DSCAML1: variants seen among roughly 807,000 people sequenced by gnomAD.
DSCAML1 encodes DS cell adhesion molecule like 1.
A neutral mutation model predicts 200.5 loss-of-function variants in DSCAML1; 38 were observed. The observed-to-expected ratio is 0.19, with a 90% CI of 0.15 to 0.25. The LOEUF (loss-of-function observed/expected upper bound fraction) is 0.25. DSCAML1 is among the 10% of genes least tolerant of loss of function. The probability of loss-of-function intolerance (pLI) is 1.00; values close to 1 mark genes in which losing one functional copy is unlikely to be tolerated. For synonymous variants in DSCAML1, 1,215 were observed against 1,165.0 expected (o/e 1.04, Z -0.87); for missense variants, 2,223 against 2,858.8 (o/e 0.78, Z 5.07).
At chr11:117,564,276 C>T (rs1314509336) in intron 3 of DSCAML1, among the ~76,000 whole-genome samples, 1 of 152,162 alleles carries the variant, frequency 6.6e-6, no homozygotes, top group Non-Finnish European at 1.5e-5. Context: ...GTATCTGGGC[C>T]AACTCATTGC....
chr11:117,635,447 G>GGTGT (rs201976004), intron 3 of DSCAML1, among the ~76,000 whole-genome samples: 275 of 146,736 alleles, frequency 1.9e-3, no homozygotes, highest in East Asian at 3.8e-3. Flanking sequence ...TAGTGTGTGT[G>GGTGT]GTGTGTGTGT....
intron 3 of DSCAML1, among the ~76,000 whole-genome samples, chr11:117,741,729 C>T (rs1334720702): frequency 6.6e-6 from 1 of 152,196 alleles, no homozygotes; most frequent in African/African-American, 2.4e-5. Context: ...AGCTTCCCTC[C>T]CCATGAAGCT....
chr11:117,501,633 G>C (rs1036539575), intron 11 of DSCAML1, among the ~76,000 whole-genome samples: 2 of 152,130 alleles, frequency 1.3e-5, no homozygotes, highest in Non-Finnish European at 2.9e-5. Flanking sequence ...TGACAGGAGG[G>C]GTGTGAGAAA....
Position 117,498,176 on chromosome 11 carries a change from G to A in DSCAML1, c.2359+5669C>T, listed in dbSNP as rs1028076936. Among the ~76,000 whole-genome samples, 8 of 152,208 alleles carry A rather than the reference G, an allele frequency of 5.3e-5. No homozygotes were observed. The highest frequency in any genetic ancestry group is 2.1e-4 in the South Asian group (1 of 4,824). On this transcript the variant is annotated intron_variant, in intron 11 of 32. Coordinates refer to ENST00000651296, the MANE Select transcript of DSCAML1 (RefSeq NM_020693.4). This position sits in a 1 kb window ranked among gnomAD's most constrained non-coding sequence, Gnocchi z 4.0. The stretch of plus-strand genomic sequence containing the variant: ...CTGTGACGAGATAGGACCCACCACC[G>A]GGGAACACACAGGAATATCTTGGGC...
In DSCAML1 at chr11:117,503,897, G is replaced by A; in HGVS notation, c.2307C>T (p.Ala769=). The A allele has an allele frequency of 6.2e-7, 1 of 1,614,196 alleles. No individual in the cohort carries two copies. Among genetic ancestry groups the A allele is most frequent in the Non-Finnish European group, 8.5e-7 (1 of 1,180,040 alleles). ...EEDIGYYLCQ[A]SNGVGTDISK... is the part of the protein sequence containing the mutation. ...TGATGTCGGTGCCTACGCCGTTGCT[G>A]GCCTGGCAGAGGTAGTAGCCGATGT... is the stretch of plus-strand genomic sequence containing the variant. Residue 769 remains alanine, a synonymous_variant, in exon 11 of 33, where the codon GCC becomes GCT. Transcript: ENST00000651296. This position sits in a 1 kb window ranked among gnomAD's most constrained non-coding sequence, Gnocchi z 5.2.
At chr11:117,705,842 G>C (rs1198366273) in intron 3 of DSCAML1, among the ~76,000 whole-genome samples, 1 of 152,202 alleles carries the variant, frequency 6.6e-6, no homozygotes, top group Non-Finnish European at 1.5e-5. Context: ...CCTTGGGCTG[G>C]TACTTAATCT....
intron 3 of DSCAML1, among the ~76,000 whole-genome samples, chr11:117,569,243 G>C (rs542946464): frequency 2.6e-5 from 4 of 152,116 alleles, no homozygotes; most frequent in African/African-American, 9.7e-5. Context: ...AGACTTAAAC[G>C]TTAGACCTAA....
chr11:117,594,069 T>C (rs2051316086), intron 3 of DSCAML1, among the ~76,000 whole-genome samples: 1 of 152,112 alleles, frequency 6.6e-6, no homozygotes. Context: ...TCACCTGGCA[T>C]GGTTATCTAG....
chr11:117,693,979 A>C (rs972816024), intron 3 of DSCAML1, among the ~76,000 whole-genome samples: 14 of 151,648 alleles, frequency 9.2e-5, no homozygotes, highest in African/African-American at 3.4e-4. Context: ...ATGTACAAGC[A>C]GGTTCTTTTC....
chr11:117,701,616 G>A (rs1482625630), intron 3 of DSCAML1, among the ~76,000 whole-genome samples: 1 of 152,172 alleles, frequency 6.6e-6, no homozygotes, highest in African/African-American at 2.4e-5. Flanking sequence ...CGCGGGGTGG[G>A]GGAGGCCTGT....
intron 11 of DSCAML1, among the ~76,000 whole-genome samples, chr11:117,486,774 A>C (rs2049077725): frequency 2.0e-5 from 3 of 152,006 alleles, no homozygotes; most frequent in Admixed American, 2.0e-4. Flanking sequence ...GTTCTACTGA[A>C]TTTGTAGCAG....
intron 3 of DSCAML1, among the ~76,000 whole-genome samples, chr11:117,759,347 A>T (rs1418209194): frequency 6.6e-6 from 1 of 152,190 alleles, no homozygotes; most frequent in Admixed American, 6.5e-5. Flanking sequence ...TTCAGGATAC[A>T]TTGGAACAAA....
At chr11:117,499,395 T>TCTTA (rs1165248934) in intron 11 of DSCAML1, among the ~76,000 whole-genome samples, 2 of 152,074 alleles carry the variant, frequency 1.3e-5, no homozygotes, top group East Asian at 3.9e-4. Flanking sequence ...AGTGACTAGA[T>TCTTA]CTTAGTTCAG....
intron 3 of DSCAML1, among the ~76,000 whole-genome samples, chr11:117,544,467 G>A (rs986209369): frequency 1.1e-4 from 16 of 152,146 alleles, no homozygotes; most frequent in Non-Finnish European, 4.4e-5. Context: ...CTCCTGCCTG[G>A]GGGCCCTGGC....
chr11:117,529,570 G>A (rs774016060), intron 4 of DSCAML1, among the ~76,000 whole-genome samples: 3 of 152,100 alleles, frequency 2.0e-5, no homozygotes, highest in Non-Finnish European at 2.9e-5. Context: ...AATACACCTC[G>A]TTATCTCTCC....
chr11:117,643,739 G>T (rs2052460830), intron 3 of DSCAML1, among the ~76,000 whole-genome samples: 1 of 152,054 alleles, frequency 6.6e-6, no homozygotes, highest in Non-Finnish European at 1.5e-5. Flanking sequence ...GATCACCCAG[G>T]CACCATCCCT....
intron 18 of DSCAML1, among the ~76,000 whole-genome samples, chr11:117,460,557 C>A (rs2048459427): frequency 6.6e-6 from 1 of 152,038 alleles, no homozygotes; most frequent in Admixed American, 6.6e-5. Context: ...GGAGCATTTC[C>A]ACAGTATGGG....
intron 3 of DSCAML1, among the ~76,000 whole-genome samples, chr11:117,663,872 C>T (rs947716098): frequency 2.6e-5 from 4 of 152,166 alleles, no homozygotes; most frequent in African/African-American, 9.7e-5. Context: ...CATCTTTCCC[C>T]GCTACATTAT....
intron 3 of DSCAML1, among the ~76,000 whole-genome samples, chr11:117,700,319 G>C (rs1461643585): frequency 6.6e-6 from 1 of 152,174 alleles, no homozygotes; most frequent in Non-Finnish European, 1.5e-5. Context: ...GTCTACTACG[G>C]GAGTCCACTG....
Sources: allele counts gnomAD v4.1 joint callset (sites outside exome capture counted in the v4.1 genomes callset), GRCh38; gene constraint gnomAD v4.1.1; non-coding constraint Gnocchi (gnomAD v3.1); transcripts MANE v1.5; gene names NCBI Gene and HGNC (gene_info 2026-07-23, HGNC 2026-07-21).